Variants in PDXDC1 observed in about 807,000 individuals in gnomAD.
The protein encoded by PDXDC1 is pyridoxal dependent decarboxylase domain containing 1, also known as pyridoxal-dependent decarboxylase domain-containing protein 1.
In PDXDC1, 42 loss-of-function variants were observed where a neutral mutation model predicts 100.1. That is an observed-to-expected ratio of 0.42 (90% CI 0.33 to 0.54). The LOEUF (loss-of-function observed/expected upper bound fraction) is 0.54, where lower values mean the gene tolerates loss of function less well. PDXDC1 is among the 20% of genes least tolerant of loss of function. The probability of loss-of-function intolerance (pLI) is 0.10; values close to 1 mark genes in which losing one functional copy is unlikely to be tolerated. For missense variants in PDXDC1, 636 were observed against 979.2 expected (o/e 0.65, Z 4.68); for synonymous variants, 260 against 371.7 (o/e 0.70, Z 3.46).
chr16:15,110,700 G>T (rs1403199543), intron 16 of PDXDC1: 1 of 1,587,586 alleles, frequency 6.3e-7, no homozygotes, highest in Non-Finnish European at 8.5e-7. Flanking sequence ...TCCACACTAT[G>T]GGGACTCCAA....
chr16:15,059,283 G>A (rs552123174), intron 16 of PDXDC1, among the ~76,000 whole-genome samples: 3 of 152,186 alleles, frequency 2.0e-5, no homozygotes, highest in East Asian at 3.9e-4. Context: ...AGCACTGCCC[G>A]GCAAGGGAAA....
chr16:14,986,438 C>T (rs1315522349), intron 1 of PDXDC1, among the ~76,000 whole-genome samples: 3 of 152,290 alleles, frequency 2.0e-5, no homozygotes, highest in Admixed American at 1.3e-4. Flanking sequence ...CACTGCACTC[C>T]AGCCTGGGAG....
At chr16:15,026,023 T>C (rs1470502187) in intron 13 of PDXDC1, 1 of 152,678 alleles carries the variant, frequency 6.5e-6, no homozygotes. Context: ...CTTGTCTACA[T>C]CACCAGCAGG....
At chr16:15,142,891 G>A (rs1394264134), downstream of PDXDC1, among the ~76,000 whole-genome samples, 1 of 152,044 alleles carries the variant, frequency 6.6e-6, no homozygotes, top group African/African-American at 2.4e-5. Flanking sequence ...GCGGCCCTAA[G>A]CCCAGGCAAG....
chr16:14,993,674 G>A (rs62038552), intron 1 of PDXDC1, among the ~76,000 whole-genome samples: 2 of 134,106 alleles, frequency 1.5e-5, no homozygotes, highest in South Asian at 4.9e-4. Flanking sequence ...GGGATGGCTG[G>A]ATCAAATGGT....
chr16:15,028,268 C>T (rs1349626506), intron 14 of PDXDC1, among the ~76,000 whole-genome samples: 23 of 152,412 alleles, frequency 1.5e-4, no homozygotes, highest in Admixed American at 1.5e-3. Flanking sequence ...ACATTTCTCT[C>T]TTCTGGTGCC....
intron 16 of PDXDC1, among the ~76,000 whole-genome samples, chr16:15,123,210 G>A (rs537326147): frequency 7.3e-5 from 11 of 151,178 alleles, no homozygotes; most frequent in Non-Finnish European, 1.0e-4. Flanking sequence ...AGTAGCGCCC[G>A]CATCATCCCA....
intron 16 of PDXDC1, among the ~76,000 whole-genome samples, chr16:15,099,470 A>G (rs192001847): frequency 6.1e-4 from 92 of 151,918 alleles, no homozygotes; most frequent in Non-Finnish European, 1.1e-3. Context: ...CTTAAAACTA[A>G]ATGCATAATT....
intron 16 of PDXDC1, among the ~76,000 whole-genome samples, chr16:15,079,061 C>T (rs1337605514): frequency 1.2e-4 from 18 of 152,256 alleles, no homozygotes; most frequent in African/African-American, 4.1e-4. Context: ...CCGCCCGCCT[C>T]GGCCTCCCAA....
intron 16 of PDXDC1, among the ~76,000 whole-genome samples, chr16:15,093,438 T>C (rs62039519): frequency 0.025 from 3,792 of 152,292 alleles, 63 homozygotes; most frequent in Admixed American, 0.039. Flanking sequence ...GTTCGTTTAT[T>C]TATTGGCCTA....
At chr16:15,149,527 G>C in the PDXDC1 span, among the ~76,000 whole-genome samples, 4 of 152,194 alleles carry the variant, frequency 2.6e-5, no homozygotes, top group Admixed American at 2.0e-4. Context: ...CCTAGGGGTC[G>C]CTCCAGAATG....
At chr16:15,088,460 C>T (rs1401305386) in intron 16 of PDXDC1, among the ~76,000 whole-genome samples, 1 of 152,100 alleles carries the variant, frequency 6.6e-6, no homozygotes, top group East Asian at 1.9e-4. Context: ...AGAGCAAGAC[C>T]CTGTCTCAAG....
At chr16:15,145,764 G>A in the PDXDC1 span, among the ~76,000 whole-genome samples, 5 of 152,262 alleles carry the variant, frequency 3.3e-5, no homozygotes. Flanking sequence ...CAGGGAGACT[G>A]TGACGCCCCC....
intron 10 of PDXDC1, 41 bp from the exon 11 acceptor site, chr16:15,017,280 T>G (rs769533482): frequency 6.3e-7 from 1 of 1,592,878 alleles, no homozygotes; most frequent in South Asian, 1.1e-5. Context: ...TAGGTTTGTG[T>G]ATTCTGATAA....
intron 16 of PDXDC1, among the ~76,000 whole-genome samples, chr16:15,052,923 A>T (rs749366890): frequency 3.9e-5 from 6 of 152,176 alleles, no homozygotes; most frequent in Non-Finnish European, 7.4e-5. Flanking sequence ...AAGATGTTGC[A>T]GGACTGGTTA....
chr16:15,095,219 G>A (rs2046311813), intron 16 of PDXDC1, among the ~76,000 whole-genome samples: 1 of 152,068 alleles, frequency 6.6e-6, no homozygotes, highest in Non-Finnish European at 1.5e-5. Context: ...GGAAACGGAG[G>A]AAACAGAGGC....
intron 8 of PDXDC1, among the ~76,000 whole-genome samples, chr16:15,014,738 A>G (rs1327861133): frequency 2.0e-5 from 3 of 152,288 alleles, no homozygotes; most frequent in Non-Finnish European, 4.4e-5. Context: ...CTAACTGGAA[A>G]TTTAGGACGG....
intron 16 of PDXDC1, chr16:15,135,769 G>C: frequency 1.9e-6 from 3 of 1,596,272 alleles, no homozygotes; most frequent in South Asian, 1.1e-5. Context: ...ACCACACGCG[G>C]TATGAGCCAC....
At chr16:15,081,690 G>C (rs2045709481) in intron 16 of PDXDC1, among the ~76,000 whole-genome samples, 1 of 152,154 alleles carries the variant, frequency 6.6e-6, no homozygotes, top group Non-Finnish European at 1.5e-5. Context: ...AAGTACAATT[G>C]ATGCATTTTT....
Sources: gnomAD v4.1 joint callset for allele counts (sites outside exome capture counted in the v4.1 genomes callset) on GRCh38, gnomAD v4.1.1 for gene constraint, MANE v1.5 for transcripts, NCBI Gene and HGNC (gene_info 2026-07-23, HGNC 2026-07-21) for gene names.